The following HIBCH variants were observed in gnomAD, a reference collection of about 807,000 sequenced individuals.
HIBCH encodes the protein 3-hydroxyisobutyryl-CoA hydrolase, also known as 3-hydroxyisobutyryl-CoA hydrolase, mitochondrial.
In HIBCH, 50 loss-of-function variants were observed where a neutral mutation model predicts 58.2. That is an observed-to-expected ratio of 0.86 (90% CI 0.68 to 1.09). The LOEUF is 1.09. Ranked by LOEUF, HIBCH falls within the 50% of genes least tolerant of loss-of-function variation. HIBCH has a pLI of 0.00. For synonymous variants in HIBCH, 151 were observed against 146.9 expected (o/e 1.03, Z -0.20); for missense variants, 450 against 449.7 (o/e 1.00, Z -0.01).
chr2:190,256,305 A>G (rs1686920376), intron 7 of HIBCH, among the ~76,000 whole-genome samples: 1 of 152,146 alleles, frequency 6.6e-6, no homozygotes, highest in Non-Finnish European at 1.5e-5. Flanking sequence ...ACACAGGACT[A>G]AAAACAGCAT....
Position 190,279,691 on chromosome 2 carries a change from T to C in HIBCH, c.438+7895A>G, listed in dbSNP as rs570400871. The C allele has an allele frequency of 1.9e-5, 3 of 154,582 alleles. No individual in the cohort carries two copies. In the East Asian group the frequency reaches 5.7e-4, roughly 29 times the overall value. 9.6% of individuals were successfully genotyped at this position (154,582 alleles called of 1,614,324 possible). ...TTAATAAAGAAATCAATGTACTTCG[T>C]GTTCTTAGCTCCCACATTTAGCCTA... On this transcript the variant is annotated intron_variant, in intron 6 of 13. Coordinates refer to ENST00000359678, the MANE Select transcript of HIBCH (RefSeq NM_014362.4). This position sits in a 1 kb window ranked among gnomAD's most constrained non-coding sequence, Gnocchi z 4.2.
chr2:190,233,420 G>A (rs1686170969), intron 11 of HIBCH, among the ~76,000 whole-genome samples: 1 of 152,180 alleles, frequency 6.6e-6, no homozygotes, highest in Non-Finnish European at 1.5e-5. Flanking sequence ...CCGTTCTCAT[G>A]ATAGTGAATA....
At chr2:190,199,820 A>G (rs762582268), downstream of HIBCH, 10 of 1,597,206 alleles carry the variant, frequency 6.3e-6, no homozygotes, top group Non-Finnish European at 8.5e-6. Flanking sequence ...GCCTGGAAGT[A>G]GTCTTTGCCA....
intron 6 of HIBCH, 80 bp downstream of exon 6, chr2:190,287,506 G>A: frequency 1.1e-6 from 1 of 905,996 alleles, no homozygotes; most frequent in South Asian, 1.4e-5. Flanking sequence ...ACATTCATCA[G>A]CTCACTTCTG....
chr2:190,293,313 C>T (rs1387358487), intron 4 of HIBCH, among the ~76,000 whole-genome samples: 3 of 151,878 alleles, frequency 2.0e-5, no homozygotes, highest in Non-Finnish European at 2.9e-5. Context: ...ATTAGCAGGG[C>T]ATGTTGGCAG....
Position 190,301,026 on chromosome 2 carries a change from G to A in HIBCH, c.79-4073C>T, listed in dbSNP as rs570213435. Reference sequence around the variant, plus strand: ...CACGAATGTTGGAAATGGAAGTGAAGCAGCCACCCCTGCTTACCAGGGGCA... The same window carrying A: ...CACGAATGTTGGAAATGGAAGTGAAACAGCCACCCCTGCTTACCAGGGGCA... On this transcript the variant is annotated intron_variant, in intron 2 of 13. Coordinates refer to ENST00000359678, the MANE Select transcript of HIBCH (RefSeq NM_014362.4). Among the ~76,000 whole-genome samples the A allele has an allele frequency of 5.9e-5, 9 of 152,344 alleles. No individual in the cohort carries two copies. The East Asian group carries it at 1.5e-3, about 26-fold the overall frequency.
intron 7 of HIBCH, among the ~76,000 whole-genome samples, chr2:190,260,734 G>A (rs1277293469): frequency 6.6e-6 from 1 of 152,066 alleles, no homozygotes; most frequent in Non-Finnish European, 1.5e-5. Context: ...TCAACAGTTG[G>A]TACTGGAATG....
intron 1 of HIBCH, among the ~76,000 whole-genome samples, chr2:190,319,458 AG>A (rs1688790841): frequency 6.6e-6 from 1 of 152,162 alleles, no homozygotes; most frequent in South Asian, 2.1e-4. Context: ...AAAGAATTAA[AG>A]TCGTGTGGGG....
intron 4 of HIBCH, among the ~76,000 whole-genome samples, chr2:190,294,158 C>A (rs1024697245): frequency 6.6e-6 from 1 of 151,046 alleles, no homozygotes; most frequent in Non-Finnish European, 1.5e-5. Flanking sequence ...GAGAGCATGT[C>A]ATATTTGAAG....
At chr2:190,265,722 A>G (rs1687214679) in intron 6 of HIBCH, among the ~76,000 whole-genome samples, 1 of 152,168 alleles carries the variant, frequency 6.6e-6, no homozygotes, top group Non-Finnish European at 1.5e-5. Flanking sequence ...GTTTTTAAAG[A>G]CTTACTTTCA....
chr2:190,278,630 C>G (rs201743688), intron 6 of HIBCH, among the ~76,000 whole-genome samples: 2 of 134,232 alleles, frequency 1.5e-5, no homozygotes, highest in Non-Finnish European at 3.2e-5. Flanking sequence ...TGTAGAGCAG[C>G]AGTTTTTAAC....
chr2:190,239,616 CCT>C (rs1440869911), intron 11 of HIBCH, among the ~76,000 whole-genome samples: 2 of 151,144 alleles, frequency 1.3e-5, no homozygotes, highest in East Asian at 3.9e-4. Flanking sequence ...CCATTTGTGT[CCT>C]CTCTTACTTC....
At chr2:190,256,787 G>C (rs181986610) in intron 7 of HIBCH, among the ~76,000 whole-genome samples, 2 of 152,038 alleles carry the variant, frequency 1.3e-5, no homozygotes, top group East Asian at 3.9e-4. Context: ...TTCAGAAAAA[G>C]AACCAAATCA....
chr2:190,301,888 G>GATTATA (rs1453852292), intron 2 of HIBCH, among the ~76,000 whole-genome samples: 3 of 152,172 alleles, frequency 2.0e-5, no homozygotes, highest in Non-Finnish European at 4.4e-5. Context: ...CTAATCCTGT[G>GATTATA]ACAGTGGGGT....
intron 2 of HIBCH, among the ~76,000 whole-genome samples, chr2:190,305,214 T>A (rs1688372085): frequency 6.6e-6 from 1 of 152,060 alleles, no homozygotes; most frequent in Non-Finnish European, 1.5e-5. Flanking sequence ...AAGGAAACGT[T>A]TGACAGAGCT....
chr2:190,300,619 GAT>G (rs1361526479), intron 2 of HIBCH, among the ~76,000 whole-genome samples: 2 of 152,006 alleles, frequency 1.3e-5, no homozygotes, highest in Non-Finnish European at 2.9e-5. Flanking sequence ...TATGTTTGTT[GAT>G]AGTTTCTTTT....
intron 11 of HIBCH, among the ~76,000 whole-genome samples, chr2:190,232,768 C>T (rs1047678636): frequency 2.0e-5 from 3 of 152,090 alleles, no homozygotes; most frequent in African/African-American, 7.2e-5. Flanking sequence ...ACCACCCTGG[C>T]TAACATGGTG....
At chr2:190,233,928 C>G (rs2105922685) in intron 11 of HIBCH, among the ~76,000 whole-genome samples, 1 of 152,308 alleles carries the variant, frequency 6.6e-6, no homozygotes, top group South Asian at 2.1e-4. Flanking sequence ...GAGGCCAAGG[C>G]AGGTGGATCA....
At chr2:190,227,362 G>C (rs2105916159) in intron 11 of HIBCH, among the ~76,000 whole-genome samples, 1 of 152,320 alleles carries the variant, frequency 6.6e-6, no homozygotes, top group Admixed American at 6.5e-5. Flanking sequence ...AAACTGGCTA[G>C]CCATATGTAG....
Sources: gnomAD v4.1 joint callset for allele counts (sites outside exome capture counted in the v4.1 genomes callset) on GRCh38, gnomAD v4.1.1 for gene constraint, Gnocchi (gnomAD v3.1) non-coding constraint, MANE v1.5 for transcripts, NCBI Gene and HGNC (gene_info 2026-07-23, HGNC 2026-07-21) for gene names.